The following SOX5 variants were observed in gnomAD, a reference collection of about 807,000 sequenced individuals.
SOX5 encodes transcription factor SOX-5.
Under a neutral mutation model 92.0 loss-of-function variants are expected in SOX5, and 9 were observed. That is an observed-to-expected ratio of 0.10 (90% CI 0.06 to 0.17). The LOEUF is 0.17. Ranked by LOEUF, SOX5 falls within the 10% of genes least tolerant of loss-of-function variation. The pLI, the probability that SOX5 is intolerant of heterozygous loss-of-function variation, is 1.00. For synonymous variants in SOX5, 344 were observed against 336.3 expected (o/e 1.02, Z -0.25); for missense variants, 642 against 944.5 (o/e 0.68, Z 4.20).
At chr12:24,314,304 A>T (rs868179035) in intron 2 of SOX5, among the ~76,000 whole-genome samples, 1 of 148,362 alleles carries the variant, frequency 6.7e-6, no homozygotes, top group Non-Finnish European at 1.5e-5. Context: ...ATGGCTGCAT[A>T]GTACTCCATG....
intron 3 of SOX5, among the ~76,000 whole-genome samples, chr12:24,253,403 A>C (rs999394459): frequency 6.6e-6 from 1 of 152,120 alleles, no homozygotes; most frequent in Admixed American, 6.5e-5. Flanking sequence ...AATGAAGACT[A>C]ATCTAGAAAA....
At chr12:23,970,017 A>G (rs1948043728) in intron 4 of SOX5, among the ~76,000 whole-genome samples, 2 of 152,138 alleles carry the variant, frequency 1.3e-5, no homozygotes, top group Admixed American at 1.3e-4. Flanking sequence ...CTAAATGGGA[A>G]CTCTGCCAAA....
In SOX5 at chr12:23,872,359, C is replaced by T. The variant is rs2096884314; in HGVS notation, c.270+23434G>A. 2.0e-5 allele frequency among the ~76,000 whole-genome samples: 3 copies of T among 151,750 alleles called. No individual in the cohort carries two copies. The South Asian group carries it at 6.2e-4, about 32-fold the overall frequency. On this transcript the variant is annotated intron_variant, in intron 2 of 14. Transcript: ENST00000451604. ...TGTACATGTTACATTTATCTACCAC[C>T]ATACCTTCAACTTACTGACTAACAA...
intron 2 of SOX5, among the ~76,000 whole-genome samples, chr12:23,870,650 A>G (rs537556440): frequency 2.6e-5 from 4 of 152,266 alleles, no homozygotes; most frequent in Non-Finnish European, 5.9e-5. Context: ...TCACAATCCC[A>G]TAATAACTAT....
intron 10 of SOX5, among the ~76,000 whole-genome samples, chr12:23,567,486 T>TTTTTTA (rs1947341969): frequency 7.1e-6 from 1 of 141,710 alleles, no homozygotes; most frequent in Admixed American, 7.5e-5. Flanking sequence ...TTTTTTTTTT[T>TTTTTTA]GAAACAAGGT....
chr12:23,555,235 C>CTT (rs1465418449), intron 11 of SOX5, among the ~76,000 whole-genome samples: 1 of 152,074 alleles, frequency 6.6e-6, no homozygotes, highest in Non-Finnish European at 1.5e-5. Flanking sequence ...TGTTTTCAAA[C>CTT]TTATCTTTTC....
chr12:23,720,125 G>A (rs933395043), intron 6 of SOX5, among the ~76,000 whole-genome samples: 1 of 152,122 alleles, frequency 6.6e-6, no homozygotes, highest in African/African-American at 2.4e-5. Flanking sequence ...AGAAAGTCTT[G>A]CTTTCCTGTT....
intron 2 of SOX5, among the ~76,000 whole-genome samples, chr12:24,328,316 T>C (rs908484596): frequency 1.3e-5 from 2 of 152,204 alleles, no homozygotes; most frequent in Admixed American, 1.3e-4. Context: ...AGGGACAATA[T>C]ATGCTTTGGT....
intron 6 of SOX5, among the ~76,000 whole-genome samples, chr12:23,702,001 C>T (rs1005312588): frequency 3.3e-5 from 5 of 151,922 alleles, no homozygotes; most frequent in East Asian, 1.9e-4. Context: ...AGCAAAATGT[C>T]GATGCTAGGG....
At chr12:24,403,958 T>C (rs2136675745) in intron 1 of SOX5, among the ~76,000 whole-genome samples, 1 of 152,326 alleles carries the variant, frequency 6.6e-6, no homozygotes, top group Non-Finnish European at 1.5e-5. Context: ...ATTATGTTCA[T>C]ATACATAAAG....
intron 1 of SOX5, among the ~76,000 whole-genome samples, chr12:24,425,963 C>T (rs770444499): frequency 2.0e-5 from 3 of 152,150 alleles, no homozygotes; most frequent in Admixed American, 6.6e-5. Context: ...TGATTGAGTG[C>T]GGTCATATGT....
intron 1 of SOX5, among the ~76,000 whole-genome samples, chr12:24,432,815 A>C (rs764650048): frequency 6.6e-6 from 1 of 152,194 alleles, no homozygotes; most frequent in South Asian, 2.1e-4. Flanking sequence ...TCTAAAAAAA[A>C]CATCCAGGAT....
chr12:24,172,140 G>A (rs149790442), intron 4 of SOX5, among the ~76,000 whole-genome samples: 17 of 152,096 alleles, frequency 1.1e-4, no homozygotes, highest in African/African-American at 3.9e-4. Flanking sequence ...TTGGGGATTG[G>A]AAGTAGTGAC....
intron 1 of SOX5, among the ~76,000 whole-genome samples, chr12:24,401,679 G>T (rs1470340747): frequency 2.3e-5 from 3 of 131,278 alleles, no homozygotes; most frequent in African/African-American, 8.8e-5. Flanking sequence ...CTTCGCTCCA[G>T]CCTGGATGAC....
intron 1 of SOX5, among the ~76,000 whole-genome samples, chr12:24,464,587 C>T (rs956232393): frequency 1.6e-4 from 24 of 152,130 alleles, no homozygotes; most frequent in Non-Finnish European, 2.4e-4. Flanking sequence ...GTGATCCACC[C>T]GCCTCGGCCT....
intron 3 of SOX5, among the ~76,000 whole-genome samples, chr12:24,263,361 A>C (rs1194916775): frequency 6.6e-6 from 1 of 151,910 alleles, no homozygotes; most frequent in East Asian, 1.9e-4. Context: ...CCCCGTCTCT[A>C]CTAAAAACAC....
At chr12:24,404,328 A>G (rs1294645758) in intron 1 of SOX5, among the ~76,000 whole-genome samples, 1 of 152,234 alleles carries the variant, frequency 6.6e-6, no homozygotes, top group Non-Finnish European at 1.5e-5. Context: ...CATATGAATA[A>G]CACCACCAAA....
chr12:24,361,593 A>T (rs1015129968), intron 2 of SOX5, among the ~76,000 whole-genome samples: 7 of 150,714 alleles, frequency 4.6e-5, no homozygotes, highest in African/African-American at 1.2e-4. Flanking sequence ...ACCAACAGTG[A>T]TGAGGCTTTT....
rs34124767 is a variant in SOX5, at chr12:24,410,002, C to CT, written c.-250-41364dup. Among the ~76,000 whole-genome samples the CT allele has an allele frequency of 3.0e-3, 433 of 146,462 alleles. 1 individual carries two copies. The highest frequency in any genetic ancestry group is 8.4e-3 in the African/African-American group (333 of 39,810). On this transcript the variant is annotated intron_variant, in intron 1 of 4. Transcript: ENST00000446891. Reference sequence around the variant, plus strand: ...TTCAATAGGATCTTTCACATAGCAACTTTTTTTTTTTTTTAAACAGGGTCT... The same window carrying CT: ...TTCAATAGGATCTTTCACATAGCAACTTTTTTTTTTTTTTTAAACAGGGTCT...
Sources: allele counts gnomAD v4.1 joint callset (sites outside exome capture counted in the v4.1 genomes callset), GRCh38; gene constraint gnomAD v4.1.1; transcripts MANE v1.5; gene names NCBI Gene and HGNC (gene_info 2026-07-23, HGNC 2026-07-21).